Variants in PLPPR4 observed in about 807,000 individuals in gnomAD.
The protein encoded by PLPPR4 is phospholipid phosphatase related 4, also known as phospholipid phosphatase-related protein type 4.
A neutral mutation model predicts 56.6 loss-of-function variants in PLPPR4; 24 were observed. That is an observed-to-expected ratio of 0.42 (90% CI 0.31 to 0.60). The LOEUF (loss-of-function observed/expected upper bound fraction) is 0.60, where lower values mean the gene tolerates loss of function less well. PLPPR4 is among the 20% of genes least tolerant of loss of function. PLPPR4 has a pLI of 0.13. For missense variants in PLPPR4, 654 were observed against 885.8 expected, an observed-to-expected ratio of 0.74 and a Z score of 3.32; for synonymous variants, 326 against 328.1, an observed-to-expected ratio of 0.99 and a Z score of 0.07.
At chr1:99,292,820 TAC>T (rs1279389126) in intron 2 of PLPPR4, among the ~76,000 whole-genome samples, 1 of 152,152 alleles carries the variant, frequency 6.6e-6, no homozygotes, top group Non-Finnish European at 1.5e-5. Context: ...TCCCCAAACA[TAC>T]ATTTTCTCAG....
At chr1:99,264,748 T>C (rs1658848390) in intron 1 of PLPPR4, 77 bp downstream of exon 1, 15 of 1,488,098 alleles carry the variant, frequency 1.0e-5, no homozygotes, top group Non-Finnish European at 1.4e-5. Context: ...TGGACAGTGT[T>C]GGAGGCGCAG....
chr1:99,290,418 T>C (rs1159948833), intron 2 of PLPPR4, among the ~76,000 whole-genome samples: 3 of 152,188 alleles, frequency 2.0e-5, no homozygotes, highest in Non-Finnish European at 4.4e-5. Flanking sequence ...CCAATGATGT[T>C]CTTCATAGAA....
chr1:99,277,414 G>A (rs1426979152), intron 1 of PLPPR4, among the ~76,000 whole-genome samples: 1 of 152,116 alleles, frequency 6.6e-6, no homozygotes, highest in Non-Finnish European at 1.5e-5. Flanking sequence ...CAAGTGAGAG[G>A]TCTATGTTGT....
At chr1:99,273,805 A>G (rs1345952458) in intron 1 of PLPPR4, among the ~76,000 whole-genome samples, 1 of 152,126 alleles carries the variant, frequency 6.6e-6, no homozygotes, top group Non-Finnish European at 1.5e-5. Context: ...TAATCATATG[A>G]ACATAAATTT....
intron 6 of PLPPR4, 108 bp from the exon 7 acceptor site, chr1:99,305,577 G>T: frequency 1.0e-6 from 1 of 989,906 alleles, no homozygotes; most frequent in Non-Finnish European, 1.5e-6. Context: ...ACTAGTCAAT[G>T]GTGTATAGGA....
chr1:99,298,024 T>C (rs924967913), intron 3 of PLPPR4, among the ~76,000 whole-genome samples: 1 of 152,134 alleles, frequency 6.6e-6, no homozygotes, highest in Non-Finnish European at 1.5e-5. Flanking sequence ...AGAAATAAAG[T>C]TTCTGTGTCA....
intron 1 of PLPPR4, among the ~76,000 whole-genome samples, chr1:99,283,255 G>C (rs1393387576): frequency 1.3e-5 from 2 of 152,060 alleles, no homozygotes; most frequent in Non-Finnish European, 2.9e-5. Flanking sequence ...CAATGGCTAT[G>C]AGAGAGGCAA....
chr1:99,283,844 C>T (rs1659397296), intron 1 of PLPPR4, among the ~76,000 whole-genome samples: 2 of 152,086 alleles, frequency 1.3e-5, no homozygotes, highest in Admixed American at 1.3e-4. Flanking sequence ...CCCAGCTACT[C>T]AGGAGACTGA....
rs751234557 is a variant in PLPPR4 at position 99,306,710 on chromosome 1, C to T, written c.1848C>T (p.Asn616=). The T allele has an allele frequency of 8.7e-6, 14 of 1,613,932 alleles. No individual in the cohort carries two copies. In the Admixed American group the frequency reaches 1.7e-4, roughly 19 times the overall value. Residue 616 remains asparagine (N), a synonymous_variant, in exon 7 of 7, where the codon AAC becomes AAT. Coordinates refer to ENST00000370185, the MANE Select transcript of PLPPR4 (RefSeq NM_014839.5). This position sits in a 1 kb window ranked among gnomAD's most constrained non-coding sequence, Gnocchi z 4.0. ...GCCTTCGCCAAACTTACGAGCTCAA[C>T]GATCTCAACAGGGACTCAGAAAGCT... ...KGSLRQTYEL[N]DLNRDSESCE... is the part of the protein sequence containing the mutation.
At position 99,299,244 on chromosome 1, in the gene PLPPR4, C is replaced by T; in HGVS notation, c.590+14C>T. 6.3e-7 allele frequency: 1 copy of T among 1,587,616 alleles called. No homozygotes were observed. The highest frequency in any genetic ancestry group is 8.6e-7 in the Non-Finnish European group (1 of 1,157,354). On this transcript the variant is annotated intron_variant, in intron 4 of 6. Coordinates refer to ENST00000370185, the MANE Select transcript of PLPPR4 (RefSeq NM_014839.5). The stretch of plus-strand genomic sequence containing the variant: ...CAACAGTGGCAGGTTAGAAACAGAT[C>T]TAAAAACACTCTGCATCATTGTTTT...
chr1:99,298,966 GTT>G lies in PLPPR4; in HGVS notation c.395-67_395-66del, dbSNP rs1403511936. The G allele has an allele frequency of 2.9e-6, 3 of 1,022,300 alleles. No individual in the cohort carries two copies. The Admixed American group carries it at 5.2e-5, about 18-fold the overall frequency. The allele number at this position is 1,022,300 out of a possible 1,614,324, so 63.3% of individuals were successfully genotyped here. On this transcript the variant is annotated intron_variant, in intron 3 of 6. Coordinates refer to ENST00000370185, the MANE Select transcript of PLPPR4 (RefSeq NM_014839.5). ...GATTTTAAGATCTTAATTCACTAAT[GTT>G]TAATGAATATGTTTGATGCTGACAC... is the stretch of plus-strand genomic sequence containing the variant.
chr1:99,277,530 T>TA (rs1344688247), intron 1 of PLPPR4, among the ~76,000 whole-genome samples: 19 of 152,316 alleles, frequency 1.2e-4, no homozygotes, highest in African/African-American at 4.6e-4. Flanking sequence ...TTGTGGGCTT[T>TA]ATCTTCAACA....
chr1:99,267,797 G>T (rs1414745785), intron 1 of PLPPR4, among the ~76,000 whole-genome samples: 1 of 152,138 alleles, frequency 6.6e-6, no homozygotes, highest in Admixed American at 6.6e-5. Context: ...TCTTGAAATG[G>T]ACTTGTATTA....
chr1:99,291,829 G>T (rs1385525946), intron 2 of PLPPR4, among the ~76,000 whole-genome samples: 2 of 152,020 alleles, frequency 1.3e-5, no homozygotes, highest in East Asian at 1.9e-4. Context: ...TGGATATGGG[G>T]TGTAATACCT....
intron 1 of PLPPR4, among the ~76,000 whole-genome samples, chr1:99,274,795 G>A (rs1371663184): frequency 6.6e-6 from 1 of 152,108 alleles, no homozygotes; most frequent in African/African-American, 2.4e-5. Context: ...CCCATAATCT[G>A]TAAGCCACTG....
In PLPPR4 at chr1:99,296,808, A is replaced by T; in HGVS notation, c.335A>T (p.Asn112Ile). The T allele has an allele frequency of 6.2e-7, 1 of 1,604,842 alleles. No homozygotes were observed. Among genetic ancestry groups the T allele is most frequent in the Non-Finnish European group, 8.5e-7 (1 of 1,173,646 alleles). Residue 112 changes from asparagine to isoleucine, a missense_variant, in exon 3 of 7, where the codon AAC becomes ATC. Coordinates refer to ENST00000370185, the MANE Select transcript of PLPPR4 (RefSeq NM_014839.5). ...AGAAATGGGGTCGGACTAGAGCCCA[A>T]CATTAATGCTGGAGGCTGCAACTTC... ...KRRNGVGLEP[N>I]INAGGCNFNS...
Position 99,296,946 on chromosome 1 carries a change from T to G in PLPPR4, c.394+79T>G, listed in dbSNP as rs189636970. On this transcript the variant is annotated intron_variant, in intron 3 of 6. Transcript: ENST00000370185. ...GTTATATTTAATTATAGATATTAAGTCTCGTACGCTATAATTTAGATGTAT... is the reference window on the plus strand; with the variant it reads ...GTTATATTTAATTATAGATATTAAGGCTCGTACGCTATAATTTAGATGTAT... The G allele has an allele frequency of 1.3e-5, 17 of 1,265,342 alleles. No individual in the cohort carries two copies. The East Asian group carries it at 4.6e-4, about 34-fold the overall frequency. 78.4% of individuals were successfully genotyped at this position (1,265,342 alleles called of 1,614,324 possible).
Position 99,306,964 on chromosome 1 carries a change from A to G in PLPPR4, c.2102A>G (p.Asn701Ser), listed in dbSNP as rs1310560091. 6.2e-7 allele frequency: 1 copy of G among 1,611,764 alleles called. No individual in the cohort carries two copies. The highest frequency in any genetic ancestry group is 8.5e-7 in the Non-Finnish European group (1 of 1,179,858). Reference protein sequence around the residue: ...ERSNSPENTRNIFYKGTSPTR... With the variant: ...ERSNSPENTRSIFYKGTSPTR... ...AGCAACAGCCCCGAAAACACTAGAA[A>G]TATCTTCTACAAAGGAACCTCCCCC... Residue 701 changes from asparagine to serine, a missense_variant, in exon 7 of 7, where the codon AAT becomes AGT. This residue lies in a region of PLPPR4 where 468 missense variants were observed against 554.3 expected (regional missense o/e 0.84). Coordinates refer to ENST00000370185, the MANE Select transcript of PLPPR4 (RefSeq NM_014839.5). The surrounding 1 kb of genome is among the most constrained non-coding windows in gnomAD (Gnocchi z 4.0).
In PLPPR4 at chr1:99,306,422, C is replaced by G. The variant is rs1190800164; in HGVS notation, c.1560C>G (p.Asn520Lys). The G allele has an allele frequency of 1.2e-6, 2 of 1,614,164 alleles. No homozygotes were observed. The highest frequency in any genetic ancestry group is 2.2e-5 in the East Asian group (1 of 44,870). Reference protein sequence around the residue: ...LKAAEKTVACNRSNSQPRIMQ... With the variant: ...LKAAEKTVACKRSNSQPRIMQ... ...CTGCTGAAAAGACTGTGGCCTGTAA[C>G]AGAAGCAACAGCCAGCCCCGAATCA... The change falls in exon 7 of 7, where the codon AAC (asparagine) becomes AAG (lysine). Residue 520 changes from asparagine to lysine, a missense_variant. By Grantham distance (94) the Asn-to-Lys change is moderately conservative. Coordinates refer to ENST00000370185, the MANE Select transcript of PLPPR4 (RefSeq NM_014839.5). This position sits in a 1 kb window ranked among gnomAD's most constrained non-coding sequence, Gnocchi z 4.0.
Sources: gnomAD v4.1 joint callset for allele counts (sites outside exome capture counted in the v4.1 genomes callset) on GRCh38, gnomAD v4.1.1 for gene constraint, gnomAD v4.1.1 regional missense constraint, Gnocchi (gnomAD v3.1) non-coding constraint, MANE v1.5 for transcripts, NCBI Gene and HGNC (gene_info 2026-07-23, HGNC 2026-07-21) for gene names.